The following NXPE2 variants were observed in gnomAD, a reference collection of about 807,000 sequenced individuals.
NXPE2 encodes neurexophilin and PC-esterase domain family member 2.
NXPE2 carries 34 observed loss-of-function variants against 34.4 expected under a neutral mutation model. That is an observed-to-expected ratio of 0.99 (90% confidence interval 0.75 to 1.31). NXPE2 has a LOEUF of 1.31. NXPE2 is among the 40% of genes most tolerant of loss of function. The pLI, the probability that NXPE2 is intolerant of heterozygous loss-of-function variation, is 0.00. For missense variants in NXPE2, 649 were observed against 672.5 expected (o/e 0.97, Z 0.39); for synonymous variants, 235 against 231.3 (o/e 1.02, Z -0.15).
At chr11:114,750,415 A>G in the NXPE2 span, among the ~76,000 whole-genome samples, 6 of 152,214 alleles carry the variant, frequency 3.9e-5, no homozygotes. Context: ...GCCTTTAGGT[A>G]ATATAATTTG....
intron 3 of NXPE2, among the ~76,000 whole-genome samples, chr11:114,701,678 A>G (rs1951367824): frequency 6.6e-6 from 1 of 152,184 alleles, no homozygotes; most frequent in Non-Finnish European, 1.5e-5. Context: ...CCTAGACCCA[A>G]GCCCAATTCT....
chr11:114,760,686 C>T, the NXPE2 span, among the ~76,000 whole-genome samples: 2,966 of 152,232 alleles, frequency 0.019, 94 homozygotes, highest in African/African-American at 0.068. Context: ...CCTCCTGTCC[C>T]TCATATGTGA....
At chr11:114,588,868 A>G in the NXPE2 span, among the ~76,000 whole-genome samples, 1 of 152,302 alleles carries the variant, frequency 6.6e-6, no homozygotes, top group African/African-American at 2.4e-5. Context: ...CAAGTTTATT[A>G]CACAGGCAGC....
chr11:114,633,230 A>G, the NXPE2 span, among the ~76,000 whole-genome samples: 1 of 133,554 alleles, frequency 7.5e-6, no homozygotes, highest in African/African-American at 2.8e-5. Context: ...ATATATAAAT[A>G]TATGTAACAT....
the NXPE2 span, among the ~76,000 whole-genome samples, chr11:114,739,446 C>A: frequency 6.9e-6 from 1 of 144,874 alleles, no homozygotes; most frequent in Non-Finnish European, 1.5e-5. Flanking sequence ...TTCCTACCTT[C>A]CTCCCTCCCT....
At chr11:114,782,095 AATGTAAATGCT>A in the NXPE2 span, among the ~76,000 whole-genome samples, 1 of 152,212 alleles carries the variant, frequency 6.6e-6, no homozygotes, top group African/African-American at 2.4e-5. Flanking sequence ...TACCTAATAC[AATGTAAATGCT>A]ATGTAAATAG....
chr11:114,706,471 G>A lies in NXPE2; in HGVS notation c.1221G>A (p.Leu407=). The A allele has an allele frequency of 6.4e-7, 1 of 1,551,514 alleles. No individual in the cohort carries two copies. The highest frequency in any genetic ancestry group is 8.7e-7 in the Non-Finnish European group (1 of 1,146,806). Reference sequence around the variant, plus strand: ...TTCTGGATGTTGAAAGACATATTTTGATTCAGTGGAAAAAACATGGTCATC... The same window carrying A: ...TTCTGGATGTTGAAAGACATATTTTAATTCAGTGGAAAAAACATGGTCATC... ...HVLLDVERHI[L]IQWKKHGHPF... is the part of the protein sequence containing the mutation. Residue 407 remains leucine (L), a synonymous_variant, in exon 6 of 6, where the codon TTG becomes TTA. Coordinates refer to ENST00000389586, the MANE Select transcript of NXPE2 (RefSeq NM_182495.6).
At chr11:114,517,045 T>C in the NXPE2 span, among the ~76,000 whole-genome samples, 1 of 152,210 alleles carries the variant, frequency 6.6e-6, no homozygotes, top group African/African-American at 2.4e-5. Context: ...CAGCGCTGTG[T>C]CCTCATCTCA....
the NXPE2 span, among the ~76,000 whole-genome samples, chr11:114,811,413 TA>T: frequency 6.6e-3 from 1,003 of 151,874 alleles, 8 homozygotes; most frequent in African/African-American, 0.023. Context: ...AAGGTAGGGA[TA>T]GGGGGTGTCT....
chr11:114,800,059 C>T, the NXPE2 span, among the ~76,000 whole-genome samples: 3 of 152,162 alleles, frequency 2.0e-5, no homozygotes, highest in Non-Finnish European at 4.4e-5. Context: ...CTATTTGGAT[C>T]CAATGCAATT....
At chr11:114,590,747 C>A in the NXPE2 span, among the ~76,000 whole-genome samples, 9 of 152,206 alleles carry the variant, frequency 5.9e-5, no homozygotes, top group Non-Finnish European at 1.3e-4. Flanking sequence ...GGATGGCCAG[C>A]ATGCCTCTGA....
the NXPE2 span, among the ~76,000 whole-genome samples, chr11:114,635,709 T>C: frequency 1.3e-5 from 2 of 151,990 alleles, no homozygotes; most frequent in African/African-American, 4.8e-5. Context: ...CTTTTCTGCA[T>C]CTATTGAGAT....
chr11:114,632,816 T>TA, the NXPE2 span, among the ~76,000 whole-genome samples: 2 of 10 alleles, frequency 0.2, no homozygotes, highest in Non-Finnish European at 0.25. Flanking sequence ...ATATATTATA[T>TA]ATATATAATT....
chr11:114,774,368 C>T, the NXPE2 span, among the ~76,000 whole-genome samples: 1 of 152,220 alleles, frequency 6.6e-6, no homozygotes, highest in African/African-American at 2.4e-5. Context: ...GTCCTTCGGA[C>T]ACAGTTGTTT....
At chr11:114,517,916 C>T in the NXPE2 span, 1 of 152,254 alleles carries the variant, frequency 6.6e-6, no homozygotes, top group Non-Finnish European at 1.5e-5. Flanking sequence ...TTTGTTATAG[C>T]CACACAAGTA....
At chr11:114,734,893 G>A in the NXPE2 span, among the ~76,000 whole-genome samples, 1 of 152,126 alleles carries the variant, frequency 6.6e-6, no homozygotes, top group East Asian at 1.9e-4. Context: ...CGGATCACAA[G>A]GTCAGGAGAT....
the NXPE2 span, among the ~76,000 whole-genome samples, chr11:114,506,408 C>T: frequency 7.2e-5 from 11 of 152,132 alleles, no homozygotes; most frequent in African/African-American, 2.4e-4. Context: ...TAACTCTCCA[C>T]CCAGAAACAA....
At chr11:114,486,084 G>A in the NXPE2 span, among the ~76,000 whole-genome samples, 10 of 152,068 alleles carry the variant, frequency 6.6e-5, no homozygotes, top group Non-Finnish European at 1.3e-4. Flanking sequence ...TCTTCATAGT[G>A]GTTGTACTAA....
At chr11:114,663,266 T>A in the NXPE2 span, among the ~76,000 whole-genome samples, 1 of 152,284 alleles carries the variant, frequency 6.6e-6, no homozygotes, top group African/African-American at 2.4e-5. Context: ...CAGTGCCAAC[T>A]CAGCCGCAGT....
Sources: gnomAD v4.1 joint callset for allele counts (sites outside exome capture counted in the v4.1 genomes callset) on GRCh38, gnomAD v4.1.1 for gene constraint, MANE v1.5 for transcripts, NCBI Gene and HGNC (gene_info 2026-07-23, HGNC 2026-07-21) for gene names.